GXYLT1: variants seen among roughly 807,000 people sequenced by gnomAD.
GXYLT1 encodes the protein glucoside xylosyltransferase 1, also known as glycosyltransferase 8 domain containing 3.
Under a neutral mutation model 54.0 loss-of-function variants are expected in GXYLT1, and 29 were observed. That is an observed-to-expected ratio of 0.54 (90% CI 0.40 to 0.73). The LOEUF (loss-of-function observed/expected upper bound fraction) is 0.73, where lower values mean the gene tolerates loss of function less well. Among genes scored for constraint, GXYLT1 ranks in the 30% least tolerant of loss-of-function variants. The probability of loss-of-function intolerance (pLI) is 0.00; values close to 1 mark genes in which losing one functional copy is unlikely to be tolerated. For missense variants in GXYLT1, 490 were observed against 553.4 expected (o/e 0.89, Z 1.15); for synonymous variants, 176 against 204.1 (o/e 0.86, Z 1.17).
intron 3 of GXYLT1, among the ~76,000 whole-genome samples, chr12:42,113,409 T>C (rs2065471755): frequency 6.6e-6 from 1 of 150,870 alleles, no homozygotes; most frequent in African/African-American, 2.5e-5. Flanking sequence ...GAGACACACA[T>C]AGGCTCAAAA....
chr12:42,141,028 C>A (rs138080179), intron 1 of GXYLT1, among the ~76,000 whole-genome samples: 17 of 152,312 alleles, frequency 1.1e-4, no homozygotes, highest in African/African-American at 3.8e-4. Context: ...CTAGAACAGC[C>A]ACTGCCTATC....
At chr12:42,097,223 C>A (rs573450344) in intron 7 of GXYLT1, among the ~76,000 whole-genome samples, 1 of 151,036 alleles carries the variant, frequency 6.6e-6, no homozygotes, top group East Asian at 1.9e-4. Context: ...ATGCAACTTA[C>A]AATCAAATTT....
chr12:42,130,605 TC>T (rs1230936831), intron 1 of GXYLT1, among the ~76,000 whole-genome samples: 1 of 152,100 alleles, frequency 6.6e-6, no homozygotes, highest in Non-Finnish European at 1.5e-5. Flanking sequence ...TACCATATGA[TC>T]CAGCAACCCC....
chr12:42,120,411 C>T (rs1186890787), intron 2 of GXYLT1, among the ~76,000 whole-genome samples: 1 of 152,200 alleles, frequency 6.6e-6, no homozygotes, highest in Non-Finnish European at 1.5e-5. Flanking sequence ...TCTTTAGAAT[C>T]TACTTCTAAC....
chr12:42,113,413 C>T (rs2065471780), intron 3 of GXYLT1, among the ~76,000 whole-genome samples: 1 of 150,902 alleles, frequency 6.6e-6, no homozygotes, highest in Non-Finnish European at 1.5e-5. Context: ...CACACATAGG[C>T]TCAAAATAAA....
At chr12:42,106,635 T>G (rs1565570259) in intron 4 of GXYLT1, among the ~76,000 whole-genome samples, 1 of 152,128 alleles carries the variant, frequency 6.6e-6, no homozygotes. Context: ...GGTAAAGGCT[T>G]GACTTTAGGG....
chr12:42,094,930 T>C (rs932681841), intron 7 of GXYLT1, among the ~76,000 whole-genome samples: 1 of 152,130 alleles, frequency 6.6e-6, no homozygotes, highest in Non-Finnish European at 1.5e-5. Flanking sequence ...TGGGTGAACT[T>C]TGTGGTATAT....
intron 3 of GXYLT1, among the ~76,000 whole-genome samples, chr12:42,110,359 T>C (rs955649995): frequency 2.6e-5 from 4 of 152,228 alleles, no homozygotes; most frequent in Non-Finnish European, 5.9e-5. Flanking sequence ...CTGATTCAAA[T>C]TTCCTGAGGA....
chr12:42,098,272 C>T (rs948509891), intron 5 of GXYLT1, among the ~76,000 whole-genome samples: 8 of 152,102 alleles, frequency 5.3e-5, no homozygotes, highest in Non-Finnish European at 1.0e-4. Flanking sequence ...CGAAAGAAAG[C>T]GAAAGTAACT....
intron 1 of GXYLT1, among the ~76,000 whole-genome samples, chr12:42,144,037 AG>A (rs1274087501): frequency 6.6e-6 from 1 of 152,180 alleles, no homozygotes; most frequent in Non-Finnish European, 1.5e-5. Context: ...ACACTGAACT[AG>A]GGCGCCAGCC....
intron 1 of GXYLT1, among the ~76,000 whole-genome samples, chr12:42,138,076 T>G (rs1391526013): frequency 6.6e-6 from 1 of 152,006 alleles, no homozygotes; most frequent in Non-Finnish European, 1.5e-5. Context: ...GGGACCAGCC[T>G]GGCAAACATG....
chr12:42,095,171 G>C (rs1290869975), intron 7 of GXYLT1, among the ~76,000 whole-genome samples: 3 of 152,168 alleles, frequency 2.0e-5, no homozygotes, highest in Non-Finnish European at 4.4e-5. Context: ...AGGATGTGGG[G>C]AACAGACTGT....
intron 3 of GXYLT1, among the ~76,000 whole-genome samples, chr12:42,115,155 C>T (rs1263004950): frequency 6.6e-6 from 1 of 152,110 alleles, no homozygotes; most frequent in African/African-American, 2.4e-5. Flanking sequence ...CTATCTATGA[C>T]AAACCCACAG....
intron 2 of GXYLT1, among the ~76,000 whole-genome samples, chr12:42,125,595 T>G (rs2065556100): frequency 6.6e-6 from 1 of 152,046 alleles, no homozygotes; most frequent in Non-Finnish European, 1.5e-5. Flanking sequence ...AAAAAGGAAG[T>G]AGTAAACAGT....
chr12:42,107,170 A>G (rs930582082), intron 4 of GXYLT1, among the ~76,000 whole-genome samples: 2 of 152,226 alleles, frequency 1.3e-5, no homozygotes, highest in Non-Finnish European at 2.9e-5. Context: ...AAACCTTTTT[A>G]GTTAAGACAT....
rs1435496257 is a variant in GXYLT1 at position 42,105,853 on chromosome 12, T to C, written c.829A>G (p.Met277Val). ...KTGVNSGVML[M>V]NMTRMRRKYF... ...TTCCTTCTCATTCGAGTCATGTTCA[T>C]CAACATAACTCCAGAGTTTACTCCA... is the stretch of plus-strand genomic sequence containing the variant. Residue 277 changes from methionine to valine, a missense_variant, in exon 5 of 8, where the codon ATG becomes GTG. Around this residue, in one of 2 missense-constraint regions of GXYLT1, gnomAD observed 342 missense variants for 342.6 expected, o/e 1.00. Transcript: ENST00000398675. The C allele has an allele frequency of 6.2e-7, 1 of 1,613,086 alleles. No homozygotes were observed. The highest frequency in any genetic ancestry group is 1.3e-5 in the African/African-American group (1 of 74,936).
rs551184529 is a variant in GXYLT1 at position 42,120,678 on chromosome 12, G to A, written c.315-1507C>T. ...CCCAAGCAGCTGGGACCACAGATGT[G>A]CGACCACCATGTCCAACTAATCTTT... is the stretch of plus-strand genomic sequence containing the variant. On this transcript the variant is annotated intron_variant, in intron 2 of 7. Coordinates refer to ENST00000398675, the MANE Select transcript of GXYLT1 (RefSeq NM_173601.2). Among the ~76,000 whole-genome samples the A allele has an allele frequency of 5.3e-5, 8 of 150,094 alleles. No homozygotes were observed. In the East Asian group the frequency reaches 1.6e-3, roughly 29 times the overall value.
rs367548339 is a variant in GXYLT1 at position 42,110,839 on chromosome 12, G to A, written c.487-1148C>T. Among the ~76,000 whole-genome samples, 61 of 152,268 alleles carry A rather than the reference G, an allele frequency of 4.0e-4. No homozygotes were observed. The East Asian group carries it at 7.3e-3, about 18-fold the overall frequency. Reference sequence around the variant, plus strand: ...AGTCACTTTCATTTAACATATAATAGTGCTCTTTCATGTACTAAAAGCATG... The same window carrying A: ...AGTCACTTTCATTTAACATATAATAATGCTCTTTCATGTACTAAAAGCATG... On this transcript the variant is annotated intron_variant, in intron 3 of 7. Coordinates refer to ENST00000398675, the MANE Select transcript of GXYLT1 (RefSeq NM_173601.2).
intron 3 of GXYLT1, among the ~76,000 whole-genome samples, chr12:42,112,553 C>T (rs1017943029): frequency 6.6e-5 from 10 of 151,144 alleles, no homozygotes; most frequent in South Asian, 2.1e-4. Context: ...TGATGGAAGA[C>T]GAAACGAATG....
Sources: gnomAD v4.1 joint callset for allele counts (sites outside exome capture counted in the v4.1 genomes callset) on GRCh38, gnomAD v4.1.1 for gene constraint, gnomAD v4.1.1 regional missense constraint, MANE v1.5 for transcripts, NCBI Gene and HGNC (gene_info 2026-07-23, HGNC 2026-07-21) for gene names.